ELAVL1: variants seen among roughly 807,000 people sequenced by gnomAD.
ELAVL1 encodes ELAV-like protein 1.
A neutral mutation model predicts 28.4 loss-of-function variants in ELAVL1; 1 was observed. That is an observed-to-expected ratio of 0.04 (90% confidence interval 0.01 to 0.17). The LOEUF (loss-of-function observed/expected upper bound fraction) is 0.17. Ranked by LOEUF, ELAVL1 falls within the 10% of genes least tolerant of loss-of-function variation. The pLI, the probability that ELAVL1 is intolerant of heterozygous loss-of-function variation, is 1.00. For missense variants in ELAVL1, 157 were observed against 447.2 expected, an observed-to-expected ratio of 0.35 and a Z score of 5.85; for synonymous variants, 174 against 183.5, an observed-to-expected ratio of 0.95 and a Z score of 0.42.
intron 1 of ELAVL1, among the ~76,000 whole-genome samples, chr19:7,998,220 T>C (rs2081055896): frequency 6.6e-6 from 1 of 152,122 alleles, no homozygotes; most frequent in Non-Finnish European, 1.5e-5. Context: ...CAAATCAGCT[T>C]CTATCCCACA....
intron 2 of ELAVL1, among the ~76,000 whole-genome samples, chr19:7,984,423 A>G (rs1985546641): frequency 6.6e-6 from 1 of 152,228 alleles, no homozygotes; most frequent in Admixed American, 6.5e-5. Context: ...GCAGGTGCCA[A>G]GTCTCCGAGG....
Position 7,961,902 on chromosome 19 carries a change from A to G in ELAVL1, c.*1581T>C, listed in dbSNP as rs564488531. ...ATACAGCCATCATCTCATGAGAGCA[A>G]TAACTAAAAAACAGCCTACGGTCAC... On this transcript the variant is annotated 3_prime_UTR_variant, in exon 6 of 6. Coordinates refer to ENST00000407627, the MANE Select transcript of ELAVL1 (RefSeq NM_001419.3). 8 of 152,500 alleles carry G rather than the reference A, an allele frequency of 5.2e-5. No homozygotes were observed. The highest frequency in any genetic ancestry group is 1.7e-4 in the African/African-American group (7 of 41,592). The allele number at this position is 152,500 out of a possible 1,614,324, so 9.4% of individuals were successfully genotyped here. A position where few individuals can be genotyped will look rare whatever the true frequency, so the allele number is the denominator to read the frequency against.
chr19:7,973,702 C>A, intron 4 of ELAVL1, 23 bp downstream of exon 4: 3 of 1,605,022 alleles, frequency 1.9e-6, no homozygotes, highest in Non-Finnish European at 2.6e-6. Flanking sequence ...ACCCTCCCCA[C>A]GCGTCTGGGG....
At chr19:7,968,072 G>A (rs1282134397) in intron 4 of ELAVL1, among the ~76,000 whole-genome samples, 1 of 152,198 alleles carries the variant, frequency 6.6e-6, no homozygotes, top group African/African-American at 2.4e-5. Context: ...TAGACACCCA[G>A]GCCTCTTATT....
intron 1 of ELAVL1, among the ~76,000 whole-genome samples, chr19:7,995,734 T>C (rs949753519): frequency 5.3e-5 from 8 of 151,750 alleles, no homozygotes; most frequent in Admixed American, 4.6e-4. Context: ...CTTTGTGGCA[T>C]TGGGCTGGGG....
intron 1 of ELAVL1, among the ~76,000 whole-genome samples, chr19:7,998,195 T>C (rs1442093738): frequency 6.6e-6 from 1 of 152,104 alleles, no homozygotes; most frequent in Non-Finnish European, 1.5e-5. Context: ...CAAATCTGCA[T>C]CATCAATCCT....
intron 1 of ELAVL1, among the ~76,000 whole-genome samples, 176 bp downstream of exon 1, chr19:8,005,319 A>T (rs1440974465): frequency 6.7e-6 from 1 of 149,280 alleles, no homozygotes; most frequent in Admixed American, 6.6e-5. Flanking sequence ...CGGCGCCCAC[A>T]CCGGCCCGCC....
intron 5 of ELAVL1, among the ~76,000 whole-genome samples, chr19:7,966,731 C>T (rs1395603758): frequency 6.6e-6 from 1 of 152,094 alleles, no homozygotes; most frequent in African/African-American, 2.4e-5. Context: ...GCGATCCTCC[C>T]ACCATGGCCT....
Position 7,988,898 on chromosome 19 carries a change from G to A in ELAVL1, c.172+2746C>T, listed in dbSNP as rs545395768. ...GAGAGCCTGAGGCTCTTGGGAAGCC[G>A]GGAAGGGAAGGGAAGGGAGGATCGG... On this transcript the variant is annotated intron_variant, in intron 2 of 5. Transcript: ENST00000407627. 2.6e-5 allele frequency among the ~76,000 whole-genome samples: 4 copies of A among 151,964 alleles called. No homozygotes were observed. In the South Asian group the frequency reaches 6.2e-4, roughly 24 times the overall value.
chr19:7,999,338 A>C (rs2081059687), intron 1 of ELAVL1, among the ~76,000 whole-genome samples: 1 of 152,158 alleles, frequency 6.6e-6, no homozygotes, highest in African/African-American at 2.4e-5. Context: ...ACGCCACTGC[A>C]CTCCAGCCTG....
chr19:7,985,216 A>G (rs1212058997), intron 2 of ELAVL1, among the ~76,000 whole-genome samples: 1 of 152,240 alleles, frequency 6.6e-6, no homozygotes, highest in Non-Finnish European at 1.5e-5. Flanking sequence ...CACCGCGCCC[A>G]GCCTCCTCAG....
rs1984737595 is a variant in ELAVL1 at position 7,959,172 on chromosome 19, A to G, written c.*4311T>C. The stretch of plus-strand genomic sequence containing the variant: ...AAGTTACATAGGCATCTTCAAAAGA[A>G]CACAATGGGATTCATTTTATTGTTG... On this transcript the variant is annotated 3_prime_UTR_variant, in exon 6 of 6. Transcript: ENST00000407627. 1 of 152,718 alleles carries G rather than the reference A, an allele frequency of 6.5e-6. No homozygotes were observed. The highest frequency in any genetic ancestry group is 2.4e-5 in the African/African-American group (1 of 41,444). The allele number at this position is 152,718 out of a possible 1,614,324, so 9.5% of individuals were successfully genotyped here.
chr19:7,987,842 G>A (rs536426775), intron 2 of ELAVL1, among the ~76,000 whole-genome samples: 58 of 152,284 alleles, frequency 3.8e-4, no homozygotes, highest in African/African-American at 1.1e-3. Context: ...AGTGCAGGTC[G>A]GCCCAGGTGC....
At chr19:7,989,844 C>T (rs2145221188) in intron 2 of ELAVL1, among the ~76,000 whole-genome samples, 1 of 152,308 alleles carries the variant, frequency 6.6e-6, no homozygotes, top group East Asian at 1.9e-4. Context: ...TCAGTGCCTG[C>T]ATCTGAAGAG....
At chr19:7,998,851 G>C (rs1707010798) in intron 1 of ELAVL1, among the ~76,000 whole-genome samples, 1 of 152,120 alleles carries the variant, frequency 6.6e-6, no homozygotes. Context: ...CCAAACTAGA[G>C]TGCAGTGGCA....
chr19:8,005,125 G>C (rs1300905188), intron 1 of ELAVL1, among the ~76,000 whole-genome samples: 1 of 152,086 alleles, frequency 6.6e-6, no homozygotes, highest in East Asian at 1.9e-4. Context: ...CGTGACCTCT[G>C]CGCGCTCAAA....
At position 7,981,137 on chromosome 19, in the gene ELAVL1, T is replaced by C. The variant is rs764390657; in HGVS notation, c.222A>G (p.Ala74=). ...CGTTCAGCGTGTTGATCGCTCTCTCTGCATCCTTCGCGGTCACGTAGTTCA... is the reference window on the plus strand; with the variant it reads ...CGTTCAGCGTGTTGATCGCTCTCTCCGCATCCTTCGCGGTCACGTAGTTCA... The part of the protein sequence containing the change: ...GFVNYVTAKD[A]ERAINTLNGL... Residue 74 remains alanine, a synonymous_variant, in exon 3 of 6, where the codon GCA becomes GCG. Coordinates refer to ENST00000407627, the MANE Select transcript of ELAVL1 (RefSeq NM_001419.3). The surrounding 1 kb of genome is among the most constrained non-coding windows in gnomAD (Gnocchi z 4.2). The C allele has an allele frequency of 2.2e-5, 35 of 1,614,030 alleles. No individual in the cohort carries two copies. In the Admixed American group the frequency reaches 5.5e-4, roughly 25 times the overall value.
intron 1 of ELAVL1, among the ~76,000 whole-genome samples, chr19:7,999,580 C>T (rs1438441240): frequency 2.0e-5 from 3 of 152,138 alleles, no homozygotes; most frequent in Non-Finnish European, 2.9e-5. Context: ...CAGGCAAAGC[C>T]AGGGTGTGTC....
chr19:7,996,198 T>C (rs1447774414), intron 1 of ELAVL1, among the ~76,000 whole-genome samples: 1 of 151,494 alleles, frequency 6.6e-6, no homozygotes, highest in African/African-American at 2.4e-5. Flanking sequence ...TTTTTTTTTT[T>C]TGAAATGGAG....
Sources: allele counts gnomAD v4.1 joint callset (sites outside exome capture counted in the v4.1 genomes callset), GRCh38; gene constraint gnomAD v4.1.1; non-coding constraint Gnocchi (gnomAD v3.1); transcripts MANE v1.5; gene names NCBI Gene and HGNC (gene_info 2026-07-23, HGNC 2026-07-21).